The following HDAC9 variants were observed in gnomAD, a reference collection of about 807,000 sequenced individuals.
HDAC9 encodes the protein MEF-2 interacting transcription repressor (MITR) protein.
In HDAC9, 41 loss-of-function variants were observed where a neutral mutation model predicts 139.4. That is an observed-to-expected ratio of 0.29 (90% CI 0.23 to 0.38). HDAC9 has a LOEUF of 0.38. Ranked by LOEUF, HDAC9 falls within the 10% of genes least tolerant of loss-of-function variation. The probability of loss-of-function intolerance (pLI) is 1.00; values close to 1 mark genes in which losing one functional copy is unlikely to be tolerated. For synonymous variants in HDAC9, 517 were observed against 476.2 expected (o/e 1.09, Z -1.12); for missense variants, 1,147 against 1,297.0 (o/e 0.88, Z 1.78).
intron 22 of HDAC9, among the ~76,000 whole-genome samples, chr7:18,930,945 G>A (rs4721728): frequency 6.6e-6 from 1 of 151,914 alleles, no homozygotes; most frequent in Non-Finnish European, 1.5e-5. Flanking sequence ...GGATCGCTCT[G>A]TCTCTTTCTT....
chr7:18,620,033 G>C (rs1426952009), intron 6 of HDAC9, among the ~76,000 whole-genome samples: 1 of 152,132 alleles, frequency 6.6e-6, no homozygotes, highest in Non-Finnish European at 1.5e-5. Flanking sequence ...AGGAGAAAAA[G>C]ACTCTCTGTC....
intron 2 of HDAC9, among the ~76,000 whole-genome samples, chr7:18,507,636 C>T (rs1231964893): frequency 6.6e-6 from 1 of 152,110 alleles, no homozygotes; most frequent in Non-Finnish European, 1.5e-5. Flanking sequence ...GGATTACACG[C>T]ATGTGCCACC....
chr7:18,114,381 A>C (rs1291457546), intron 1 of HDAC9, among the ~76,000 whole-genome samples: 1 of 152,216 alleles, frequency 6.6e-6, no homozygotes, highest in East Asian at 1.9e-4. Flanking sequence ...GCAAAGGAGA[A>C]ATTGGTAGAG....
intron 2 of HDAC9, among the ~76,000 whole-genome samples, chr7:18,241,734 A>G (rs1447835216): frequency 1.3e-5 from 2 of 152,180 alleles, no homozygotes; most frequent in Non-Finnish European, 1.5e-5. Flanking sequence ...TCGCCTGAGT[A>G]CCATTGTGGT....
At chr7:18,750,569 G>T (rs971768730) in intron 14 of HDAC9, among the ~76,000 whole-genome samples, 1 of 152,088 alleles carries the variant, frequency 6.6e-6, no homozygotes, top group Non-Finnish European at 1.5e-5. Context: ...TTTCCTCAGT[G>T]CAAGTCTATT....
At chr7:18,790,335 C>T (rs1792190076) in intron 16 of HDAC9, among the ~76,000 whole-genome samples, 1 of 152,092 alleles carries the variant, frequency 6.6e-6, no homozygotes, top group South Asian at 2.1e-4. Context: ...TAAATTAGGT[C>T]ATAAGGTACT....
chr7:18,118,470 A>G (rs891992200), intron 1 of HDAC9, among the ~76,000 whole-genome samples: 1 of 152,168 alleles, frequency 6.6e-6, no homozygotes, highest in African/African-American at 2.4e-5. Context: ...TTTCTTCATT[A>G]TATTTCCCCT....
intron 23 of HDAC9, among the ~76,000 whole-genome samples, chr7:18,944,390 A>G (rs1440424334): frequency 6.6e-6 from 1 of 152,180 alleles, no homozygotes; most frequent in African/African-American, 2.4e-5. Context: ...ACCTAAGAAT[A>G]TAACATGTTG....
At chr7:18,240,338 G>T (rs1366894424) in intron 2 of HDAC9, among the ~76,000 whole-genome samples, 2 of 152,036 alleles carry the variant, frequency 1.3e-5, no homozygotes, top group Non-Finnish European at 2.9e-5. Flanking sequence ...ATTGTGTTCT[G>T]ATTTCTTACC....
chr7:18,478,506 T>A (rs1176852984), intron 1 of HDAC9, among the ~76,000 whole-genome samples: 1 of 152,216 alleles, frequency 6.6e-6, no homozygotes, highest in African/African-American at 2.4e-5. Flanking sequence ...TTATTTCAGA[T>A]GCCATAGTAA....
At chr7:18,444,803 A>T (rs12671193) in intron 1 of HDAC9, among the ~76,000 whole-genome samples, 1 of 152,286 alleles carries the variant, frequency 6.6e-6, no homozygotes, top group East Asian at 1.9e-4. Flanking sequence ...ATTTTTCTCA[A>T]AGTAAGGTCT....
chr7:18,646,162 C>A (rs903497937), intron 9 of HDAC9, among the ~76,000 whole-genome samples: 1 of 152,052 alleles, frequency 6.6e-6, no homozygotes, highest in Admixed American at 6.6e-5. Flanking sequence ...TATTTCCTGT[C>A]TCTTCTAATG....
intron 23 of HDAC9, chr7:18,949,727 G>C (rs1782659357): frequency 6.6e-6 from 1 of 152,098 alleles, no homozygotes; most frequent in Admixed American, 6.6e-5. Context: ...TGAGGCCTTA[G>C]AGGGCTCATG....
At chr7:18,135,306 CT>C (rs1268418452) in intron 1 of HDAC9, among the ~76,000 whole-genome samples, 2 of 85,316 alleles carry the variant, frequency 2.3e-5, no homozygotes, top group East Asian at 6.6e-4. Flanking sequence ...TTTTTTTTTT[CT>C]TTTTTTTATT....
At chr7:18,371,190 C>T (rs953827511) in intron 1 of HDAC9, among the ~76,000 whole-genome samples, 13 of 152,096 alleles carry the variant, frequency 8.5e-5, no homozygotes, top group Admixed American at 5.9e-4. Context: ...CAGCAATAAT[C>T]GAAGTATGGA....
chr7:18,998,812 G>T lies in HDAC9; in HGVS notation c.*2750G>T, dbSNP rs1786604345. ...CATGGTCTCATGGTATCTCATACAG[G>T]GTGAATAAAAATGATTTTTGATAAA... On this transcript the variant is annotated 3_prime_UTR_variant, in exon 26 of 26. Transcript: ENST00000686413. The T allele has an allele frequency of 6.6e-6, 1 of 151,986 alleles. No homozygotes were observed. Among genetic ancestry groups the T allele is most frequent in the South Asian group, 2.1e-4 (1 of 4,810 alleles). The allele number at this position is 151,986 out of a possible 1,614,324, so 9.4% of individuals were successfully genotyped here.
At chr7:18,932,994 G>A (rs1194849090) in intron 22 of HDAC9, among the ~76,000 whole-genome samples, 1 of 152,080 alleles carries the variant, frequency 6.6e-6, no homozygotes, top group East Asian at 1.9e-4. Context: ...TGCCATATAA[G>A]AATTTAAAAT....
intron 15 of HDAC9, among the ~76,000 whole-genome samples, chr7:18,763,699 C>G (rs191785249): frequency 6.0e-4 from 91 of 152,146 alleles, no homozygotes; most frequent in African/African-American, 2.1e-3. Context: ...ATGAAGTAAA[C>G]CAGACATTTT....
At chr7:18,869,361 A>G (rs192662002) in intron 21 of HDAC9, among the ~76,000 whole-genome samples, 44 of 152,062 alleles carry the variant, frequency 2.9e-4, no homozygotes, top group Admixed American at 2.8e-3. Context: ...TGTTCTCATG[A>G]TAGAGTTCTC....
Sources: gnomAD v4.1 joint callset for allele counts (sites outside exome capture counted in the v4.1 genomes callset) on GRCh38, gnomAD v4.1.1 for gene constraint, MANE v1.5 for transcripts, NCBI Gene and HGNC (gene_info 2026-07-23, HGNC 2026-07-21) for gene names.